The following SPAG16 variants were observed in gnomAD, a reference collection of about 807,000 sequenced individuals.
SPAG16 encodes the protein sperm-associated antigen 16 protein.
SPAG16 carries 86 observed loss-of-function variants against 80.4 expected under a neutral mutation model. The observed-to-expected ratio is 1.07, with a 90% CI of 0.90 to 1.28. The LOEUF (loss-of-function observed/expected upper bound fraction) is 1.28. Among genes scored for constraint, SPAG16 ranks in the 50% most tolerant of loss-of-function variants. SPAG16 has a pLI of 0.00. For synonymous variants in SPAG16, 294 were observed against 265.9 expected (o/e 1.11, Z -1.03); for missense variants, 870 against 765.3 (o/e 1.14, Z -1.61).
intron 10 of SPAG16, among the ~76,000 whole-genome samples, chr2:213,638,289 G>C (rs2062448745): frequency 6.6e-6 from 1 of 151,736 alleles, no homozygotes; most frequent in African/African-American, 2.4e-5. Flanking sequence ...GCTGGGTTTG[G>C]GTTTGGTTTG....
In SPAG16 at chr2:213,656,990, A is replaced by T. The variant is rs146335591; in HGVS notation, c.1070+166900A>T. On this transcript the variant is annotated intron_variant, in intron 10 of 15. Transcript: ENST00000331683. ...GAACGTTTCATTTCTTTAGATCTTG[A>T]TGTTAATAGAATGTAAATATTCTCC... 7.3e-3 allele frequency among the ~76,000 whole-genome samples: 1,116 copies of T among 152,282 alleles called. 14 individuals carry two copies. The highest frequency in any genetic ancestry group is 0.025 in the African/African-American group (1,059 of 41,550).
At chr2:214,040,834 A>G (rs1210311054) in intron 13 of SPAG16, among the ~76,000 whole-genome samples, 5 of 152,006 alleles carry the variant, frequency 3.3e-5, no homozygotes, top group African/African-American at 1.2e-4. Context: ...TTACTAATCA[A>G]TTTTCTCTGC....
chr2:214,064,591 G>A (rs955949768), intron 13 of SPAG16, among the ~76,000 whole-genome samples: 2 of 152,098 alleles, frequency 1.3e-5, no homozygotes, highest in South Asian at 4.2e-4. Flanking sequence ...CTGTTCCTCA[G>A]TTCATAGTCT....
At position 213,818,086 on chromosome 2, in the gene SPAG16, A is replaced by G. The variant is rs557331866; in HGVS notation, c.1071-44399A>G. Among the ~76,000 whole-genome samples, 77 of 152,272 alleles carry G rather than the reference A, an allele frequency of 5.1e-4. 1 individual carries two copies. The Middle Eastern group carries it at 0.01, about 20-fold the overall frequency. On this transcript the variant is annotated intron_variant, in intron 10 of 15. Coordinates refer to ENST00000331683, the MANE Select transcript of SPAG16 (RefSeq NM_024532.5). Reference sequence around the variant, plus strand: ...AGCATAAAGAAGGACTCTCTCTGCAATTTCCTTATCTAAGTAAACTTCTTT... The same window carrying G: ...AGCATAAAGAAGGACTCTCTCTGCAGTTTCCTTATCTAAGTAAACTTCTTT...
chr2:213,616,547 G>A (rs769269860), intron 10 of SPAG16, among the ~76,000 whole-genome samples: 5 of 152,154 alleles, frequency 3.3e-5, no homozygotes, highest in Non-Finnish European at 5.9e-5. Context: ...GTCAGGATGG[G>A]GAAGCCAGAA....
intron 10 of SPAG16, among the ~76,000 whole-genome samples, chr2:213,647,287 G>A (rs941287440): frequency 2.0e-5 from 3 of 152,050 alleles, no homozygotes; most frequent in South Asian, 4.2e-4. Flanking sequence ...ATGCATATAC[G>A]TACAGTTGAG....
At chr2:213,797,733 A>G (rs1451134111) in intron 10 of SPAG16, among the ~76,000 whole-genome samples, 1 of 152,214 alleles carries the variant, frequency 6.6e-6, no homozygotes. Context: ...TTGTTGAGGA[A>G]TTGGGCTTTT....
intron 1 of SPAG16, among the ~76,000 whole-genome samples, chr2:213,294,477 A>T (rs1057081279): frequency 3.5e-4 from 53 of 152,226 alleles, no homozygotes; most frequent in African/African-American, 1.2e-3. Flanking sequence ...TTTAATATGG[A>T]TGAATTAAGG....
chr2:213,792,575 TC>T (rs1213927354), intron 10 of SPAG16, among the ~76,000 whole-genome samples: 2 of 130,626 alleles, frequency 1.5e-5, no homozygotes, highest in East Asian at 4.5e-4. Flanking sequence ...AAAATGAGTA[TC>T]TTTTTTTTTT....
intron 12 of SPAG16, among the ~76,000 whole-genome samples, chr2:213,942,491 A>G (rs540518065): frequency 4.6e-5 from 7 of 152,298 alleles, no homozygotes; most frequent in African/African-American, 9.6e-5. Context: ...AAATCCATCA[A>G]TGATTTATAT....
rs1308530685 is a variant in SPAG16 at position 214,399,907 on chromosome 2, T to C, written c.1721-10233T>C. ...TTTGCAAAGCTCCAGATATATGGGG[T>C]TCCTGAATAAATATTATCCCAACAC... On this transcript the variant is annotated intron_variant, in intron 15 of 15. Transcript: ENST00000331683. Among the ~76,000 whole-genome samples, 4 of 152,044 alleles carry C rather than the reference T, an allele frequency of 2.6e-5. No homozygotes were observed. The East Asian group carries it at 7.7e-4, about 29-fold the overall frequency.
At chr2:213,467,714 C>A (rs1157469443) in intron 9 of SPAG16, among the ~76,000 whole-genome samples, 1 of 152,180 alleles carries the variant, frequency 6.6e-6, no homozygotes, top group East Asian at 1.9e-4. Flanking sequence ...CCCAAGGACT[C>A]CTCAGTCCTG....
At chr2:213,580,222 C>G (rs2060258001) in intron 10 of SPAG16, among the ~76,000 whole-genome samples, 1 of 152,076 alleles carries the variant, frequency 6.6e-6, no homozygotes. Flanking sequence ...TGGCATTCCC[C>G]CATTAGTTTA....
chr2:213,629,787 G>A (rs2062078718), intron 10 of SPAG16, among the ~76,000 whole-genome samples: 1 of 152,202 alleles, frequency 6.6e-6, no homozygotes, highest in Non-Finnish European at 1.5e-5. Context: ...ATTATTGGAA[G>A]GGAGTAGCCA....
intron 14 of SPAG16, among the ~76,000 whole-genome samples, chr2:214,140,480 G>A (rs1320849092): frequency 6.6e-6 from 1 of 151,766 alleles, no homozygotes; most frequent in African/African-American, 2.4e-5. Flanking sequence ...TTTTTGAAGG[G>A]GTGGTAAAAT....
chr2:213,847,791 C>A (rs2074705588), intron 10 of SPAG16, among the ~76,000 whole-genome samples: 2 of 152,236 alleles, frequency 1.3e-5, no homozygotes, highest in East Asian at 3.9e-4. Context: ...ACACGGACCT[C>A]TCCTTGTTAC....
chr2:213,540,592 T>C (rs1211700987), intron 10 of SPAG16, among the ~76,000 whole-genome samples: 2 of 152,236 alleles, frequency 1.3e-5, no homozygotes, highest in African/African-American at 2.4e-5. Context: ...AATTGCTTTG[T>C]TAATGATTTT....
At chr2:214,083,784 A>C (rs2051540799) in intron 13 of SPAG16, among the ~76,000 whole-genome samples, 1 of 152,160 alleles carries the variant, frequency 6.6e-6, no homozygotes, top group Admixed American at 6.6e-5. Context: ...CTTGTCACTC[A>C]GGTAGTGAGC....
intron 2 of SPAG16, 46 bp downstream of exon 2, chr2:213,296,156 C>A: frequency 7.6e-7 from 1 of 1,323,016 alleles, no homozygotes; most frequent in South Asian, 1.2e-5. Context: ...TTATTGCAGT[C>A]ATTCTCATGA....
Sources: allele counts gnomAD v4.1 joint callset (sites outside exome capture counted in the v4.1 genomes callset), GRCh38; gene constraint gnomAD v4.1.1; transcripts MANE v1.5; gene names NCBI Gene and HGNC (gene_info 2026-07-23, HGNC 2026-07-21).